DOK6: variants seen among roughly 807,000 people sequenced by gnomAD.
DOK6 encodes docking protein 6.
Under a neutral mutation model 44.0 loss-of-function variants are expected in DOK6, and 22 were observed. The observed-to-expected ratio is 0.50, with a 90% confidence interval of 0.36 to 0.71. The LOEUF is 0.71. DOK6 is among the 30% of genes least tolerant of loss of function. The probability of loss-of-function intolerance (pLI) is 0.00; values close to 1 mark genes in which losing one functional copy is unlikely to be tolerated. For missense variants in DOK6, 340 were observed against 416.4 expected (o/e 0.82, Z 1.60); for synonymous variants, 166 against 145.5 (o/e 1.14, Z -1.01).
intron 1 of DOK6, among the ~76,000 whole-genome samples, chr18:69,481,926 G>C (rs1568271962): frequency 6.6e-6 from 1 of 152,304 alleles, no homozygotes; most frequent in East Asian, 1.9e-4. Flanking sequence ...TAACTGGTGT[G>C]AGATGGTATC....
At chr18:69,715,003 C>T (rs922878923) in intron 5 of DOK6, among the ~76,000 whole-genome samples, 7 of 152,152 alleles carry the variant, frequency 4.6e-5, no homozygotes, top group African/African-American at 1.4e-4. Flanking sequence ...ATGAGACACT[C>T]ATTACCTAGG....
intron 1 of DOK6, among the ~76,000 whole-genome samples, chr18:69,528,446 C>T (rs945503848): frequency 1.3e-5 from 2 of 152,120 alleles, no homozygotes; most frequent in African/African-American, 4.8e-5. Context: ...GCGTATTTCA[C>T]TTTAGAATAA....
chr18:69,491,804 G>C (rs1403528903), intron 1 of DOK6, among the ~76,000 whole-genome samples: 1 of 152,162 alleles, frequency 6.6e-6, no homozygotes, highest in African/African-American at 2.4e-5. Context: ...GGTTGCCCAG[G>C]AATGTTTCTG....
At chr18:69,658,632 A>G (rs923770371) in intron 3 of DOK6, among the ~76,000 whole-genome samples, 7 of 152,116 alleles carry the variant, frequency 4.6e-5, no homozygotes, top group African/African-American at 1.7e-4. Flanking sequence ...CTGCTTCCTT[A>G]GTTCTGCTAC....
At chr18:69,423,941 G>A (rs942999732) in intron 1 of DOK6, among the ~76,000 whole-genome samples, 2 of 152,074 alleles carry the variant, frequency 1.3e-5, no homozygotes, top group East Asian at 1.9e-4. Context: ...TTAGATTTTT[G>A]TATTTCTTTA....
intron 2 of DOK6, 46 bp from the exon 3 acceptor site, chr18:69,599,338 C>T: frequency 7.4e-7 from 1 of 1,342,300 alleles, no homozygotes; most frequent in Non-Finnish European, 1.0e-6. Flanking sequence ...CTCCAACATA[C>T]AGCATACATA....
chr18:69,755,948 C>T (rs1438230000), intron 6 of DOK6, among the ~76,000 whole-genome samples: 1 of 152,234 alleles, frequency 6.6e-6, no homozygotes, highest in East Asian at 1.9e-4. Context: ...AACACAAGGC[C>T]ACCACACAGG....
At chr18:69,817,267 CTTTA>C (rs1981428185) in intron 7 of DOK6, among the ~76,000 whole-genome samples, 1 of 152,174 alleles carries the variant, frequency 6.6e-6, no homozygotes, top group East Asian at 1.9e-4. Flanking sequence ...TATGTTTCAA[CTTTA>C]TTTAGTGAAA....
intron 1 of DOK6, among the ~76,000 whole-genome samples, chr18:69,446,443 A>C (rs933634292): frequency 1.3e-5 from 2 of 151,530 alleles, no homozygotes; most frequent in African/African-American, 4.9e-5. Context: ...CATTTTCTTA[A>C]TCCAGTCTAT....
intron 1 of DOK6, among the ~76,000 whole-genome samples, chr18:69,445,263 A>G (rs762084318): frequency 2.4e-4 from 37 of 152,184 alleles, no homozygotes; most frequent in Non-Finnish European, 3.1e-4. Context: ...AGGTTTACCT[A>G]TAGATATAAC....
chr18:69,443,986 A>G (rs1041995165), intron 1 of DOK6, among the ~76,000 whole-genome samples: 1 of 152,056 alleles, frequency 6.6e-6, no homozygotes, highest in African/African-American at 2.4e-5. Context: ...TACACACACA[A>G]TACACATATA....
At position 69,434,950 on chromosome 18, in the gene DOK6, G is replaced by GGAAGGAA. The variant is rs1555701464; in HGVS notation, c.66+33641_66+33642insAAGGAAG. ...AAAAAGGGAGGGAGGGAGGGAGGGA[G>GGAAGGAA]GGAGGGAAGGAAGGAAGGAAGGAAG... On this transcript the variant is annotated intron_variant, in intron 1 of 7. Coordinates refer to ENST00000382713, the MANE Select transcript of DOK6 (RefSeq NM_152721.6). 4.0e-5 allele frequency among the ~76,000 whole-genome samples: 3 copies of GGAAGGAA among 75,936 alleles called. 1 individual carries two copies. The highest frequency in any genetic ancestry group is 9.5e-5 in the Non-Finnish European group (3 of 31,568). 49.8% of individuals were successfully genotyped at this position (75,936 alleles called of 152,430 possible). A position where few individuals can be genotyped will look rare whatever the true frequency, so the allele number is the denominator to read the frequency against.
At chr18:69,771,435 T>C (rs1979883990) in intron 7 of DOK6, among the ~76,000 whole-genome samples, 1 of 152,102 alleles carries the variant, frequency 6.6e-6, no homozygotes, top group Non-Finnish European at 1.5e-5. Context: ...TGCTGTACCT[T>C]ATCCTTTGCT....
intron 3 of DOK6, among the ~76,000 whole-genome samples, chr18:69,605,076 TTGTGTGTGTGTGTGTGTGTGTGTG>T (rs71176987): frequency 1.8e-4 from 23 of 125,780 alleles, no homozygotes; most frequent in Non-Finnish European, 3.0e-4. Context: ...AGAGATCCCT[TTGTGTGTGTGTGTGTGTGTGTGTG>T]TGTGTGTGTG....
At chr18:69,685,453 T>C (rs1986132072) in intron 4 of DOK6, among the ~76,000 whole-genome samples, 1 of 152,222 alleles carries the variant, frequency 6.6e-6, no homozygotes, top group Admixed American at 6.5e-5. Flanking sequence ...TTGTGAGGAC[T>C]AAATAAGATA....
chr18:69,494,486 C>CA (rs1980825784), intron 1 of DOK6, among the ~76,000 whole-genome samples: 1 of 151,258 alleles, frequency 6.6e-6, no homozygotes, highest in African/African-American at 2.4e-5. Flanking sequence ...AAAAAACAAA[C>CA]AAACAAAAAA....
chr18:69,655,761 C>CAAAAAAA (rs74175379), intron 3 of DOK6, among the ~76,000 whole-genome samples: 77 of 43,134 alleles, frequency 1.8e-3, no homozygotes, highest in African/African-American at 2.0e-3. Context: ...CCCCACCCCT[C>CAAAAAAA]AAAAAAAAAA....
chr18:69,552,256 C>G (rs1187867885), intron 1 of DOK6, among the ~76,000 whole-genome samples: 3 of 151,842 alleles, frequency 2.0e-5, no homozygotes, highest in Non-Finnish European at 4.4e-5. Context: ...AAATAAATCT[C>G]CATGTTTTAA....
intron 7 of DOK6, among the ~76,000 whole-genome samples, chr18:69,803,838 A>C (rs138322023): frequency 1.2e-3 from 177 of 152,232 alleles, no homozygotes; most frequent in African/African-American, 4.1e-3. Flanking sequence ...CAGCCTGGGC[A>C]CAGAGCAAGG....
Sources: allele counts gnomAD v4.1 joint callset (sites outside exome capture counted in the v4.1 genomes callset), GRCh38; gene constraint gnomAD v4.1.1; transcripts MANE v1.5; gene names NCBI Gene and HGNC (gene_info 2026-07-23, HGNC 2026-07-21).